THEMIS: variants seen among roughly 807,000 people sequenced by gnomAD.
The protein encoded by THEMIS is thymocyte selection associated, also known as protein THEMIS.
A neutral mutation model predicts 52.6 loss-of-function variants in THEMIS; 37 were observed. The observed-to-expected ratio is 0.70, with a 90% CI of 0.54 to 0.93. The LOEUF (loss-of-function observed/expected upper bound fraction) is 0.93, where lower values mean the gene tolerates loss of function less well. THEMIS is among the 40% of genes least tolerant of loss of function. The pLI is 0.00. For synonymous variants in THEMIS, 292 were observed against 272.7 expected (o/e 1.07, Z -0.70); for missense variants, 808 against 763.1 (o/e 1.06, Z -0.69).
At chr6:127,702,834 C>G in the THEMIS span, among the ~76,000 whole-genome samples, 1 of 151,908 alleles carries the variant, frequency 6.6e-6, no homozygotes, top group African/African-American at 2.4e-5. Flanking sequence ...GGAAACTCTA[C>G]TTTTTAAAAC....
Position 127,813,046 on chromosome 6 carries a change from A to G in THEMIS, c.1595T>C (p.Val532Ala), listed in dbSNP as rs775087506. ...ATATTGCTCTTCAGTGATCTCTTCT[A>G]CCAGAGTCCTGACTAGAAATGGTTC... Reference protein sequence around the residue: ...DAEPFLVRTLVEEITEEQYYM... With the variant: ...DAEPFLVRTLAEEITEEQYYM... Residue 532 changes from valine (V) to alanine (A), a missense_variant, in exon 4 of 6, where the codon GTA becomes GCA. Coordinates refer to ENST00000368248, the MANE Select transcript of THEMIS (RefSeq NM_001010923.3). The G allele has an allele frequency of 1.2e-6, 2 of 1,613,950 alleles. No homozygotes were observed. Among genetic ancestry groups the G allele is most frequent in the African/African-American group, 2.7e-5 (2 of 74,892 alleles).
rs564146254 is a variant in THEMIS at position 127,845,383 on chromosome 6, C to G, written c.250+9647G>C. Reference sequence around the variant, plus strand: ...AAATTAACCAAATAATTGGAGCAACCTGGGAAGCATTTATTGAAGAAAAAT... The same window carrying G: ...AAATTAACCAAATAATTGGAGCAACGTGGGAAGCATTTATTGAAGAAAAAT... On this transcript the variant is annotated intron_variant, in intron 2 of 5. Transcript: ENST00000368248. 2.8e-3 allele frequency among the ~76,000 whole-genome samples: 426 copies of G among 151,952 alleles called. 1 individual carries two copies. The highest frequency in any genetic ancestry group is 9.5e-3 in the African/African-American group (395 of 41,504).
rs968609352 is a variant in THEMIS at position 127,708,810 on chromosome 6, TA to T, written c.*1174del. ...GAAAAAACTCTAATTTTTTTTGTTC[TA>T]AAGTTGACTCACAATTTATTGTCTT... On this transcript the variant is annotated 3_prime_UTR_variant, in exon 6 of 6. Coordinates refer to ENST00000368248, the MANE Select transcript of THEMIS (RefSeq NM_001010923.3). 1.1e-4 allele frequency: 17 copies of T among 152,052 alleles called. No homozygotes were observed. The highest frequency in any genetic ancestry group is 4.1e-4 in the African/African-American group (17 of 41,432). 9.4% of individuals were successfully genotyped at this position (152,052 alleles called of 1,614,324 possible). A position where few individuals can be genotyped will look rare whatever the true frequency, so the allele number is the denominator to read the frequency against.
chr6:127,890,105 A>C lies in THEMIS; in HGVS notation c.91+10737T>G, dbSNP rs112842956. 8.9e-3 allele frequency among the ~76,000 whole-genome samples: 1,353 copies of C among 152,238 alleles called. 21 individuals are homozygous for C. The highest frequency in any genetic ancestry group is 0.031 in the African/African-American group (1,292 of 41,572). On this transcript the variant is annotated intron_variant, in intron 1 of 5. Transcript: ENST00000368248. ...TTATTTCACAGAGTGATAGCCACAA[A>C]TATTAATGATAAACCTGCTGTATGA... is the stretch of plus-strand genomic sequence containing the variant.
intron 4 of THEMIS, among the ~76,000 whole-genome samples, chr6:127,797,818 T>G (rs1284667622): frequency 6.6e-6 from 1 of 152,250 alleles, no homozygotes; most frequent in African/African-American, 2.4e-5. Context: ...AAAGAACACT[T>G]GCTCCTTGCT....
intron 1 of THEMIS, among the ~76,000 whole-genome samples, chr6:127,856,058 T>C (rs1779608725): frequency 6.6e-6 from 1 of 152,050 alleles, no homozygotes; most frequent in African/African-American, 2.4e-5. Flanking sequence ...AAATAAACAT[T>C]ATAGAGCTGT....
downstream of THEMIS, among the ~76,000 whole-genome samples, chr6:127,703,912 G>A (rs1031114006): frequency 6.6e-6 from 1 of 152,102 alleles, no homozygotes; most frequent in Non-Finnish European, 1.5e-5. Context: ...CTAAGATCAA[G>A]GTACCAGAAG....
At chr6:127,849,185 C>T (rs1779331966) in intron 2 of THEMIS, among the ~76,000 whole-genome samples, 1 of 151,854 alleles carries the variant, frequency 6.6e-6, no homozygotes, top group African/African-American at 2.4e-5. Context: ...AATAGGGAAT[C>T]CTTTCCCCAT....
At chr6:127,700,831 A>G in the THEMIS span, among the ~76,000 whole-genome samples, 1 of 151,900 alleles carries the variant, frequency 6.6e-6, no homozygotes, top group Non-Finnish European at 1.5e-5. Flanking sequence ...TCCTCCACTT[A>G]TTTTTGTATA....
chr6:127,715,872 C>G (rs1012859286), intron 5 of THEMIS, among the ~76,000 whole-genome samples: 6 of 151,836 alleles, frequency 4.0e-5, no homozygotes, highest in African/African-American at 1.5e-4. Context: ...TACAGATTAT[C>G]TGGTATACCC....
chr6:127,817,450 A>G (rs1191635890), intron 3 of THEMIS, among the ~76,000 whole-genome samples: 1 of 152,220 alleles, frequency 6.6e-6, no homozygotes, highest in Admixed American at 6.5e-5. Flanking sequence ...GGCCTGTTCA[A>G]TGCAATAAAT....
At chr6:127,703,569 T>A (rs1773757892), downstream of THEMIS, among the ~76,000 whole-genome samples, 1 of 152,142 alleles carries the variant, frequency 6.6e-6, no homozygotes, top group South Asian at 2.1e-4. Context: ...GAGGGTCACA[T>A]CAGCAAACAC....
intron 1 of THEMIS, among the ~76,000 whole-genome samples, chr6:127,872,517 G>T (rs2114389271): frequency 6.6e-6 from 1 of 152,218 alleles, no homozygotes; most frequent in African/African-American, 2.4e-5. Flanking sequence ...AGCCGAGATT[G>T]CGCCACTGCA....
At chr6:127,895,930 T>A in intron 1 of THEMIS, among the ~76,000 whole-genome samples, 1 of 151,216 alleles carries the variant, frequency 6.6e-6, no homozygotes, top group East Asian at 1.9e-4. Context: ...TATAAGCCAA[T>A]ATTATTCCCT....
chr6:127,729,366 G>T (rs1774675645), intron 4 of THEMIS, among the ~76,000 whole-genome samples: 1 of 152,092 alleles, frequency 6.6e-6, no homozygotes, highest in East Asian at 1.9e-4. Flanking sequence ...CTTTCGAGAG[G>T]TCTATGGAAG....
At chr6:127,769,469 T>G (rs1027436431) in intron 4 of THEMIS, among the ~76,000 whole-genome samples, 11 of 151,924 alleles carry the variant, frequency 7.2e-5, no homozygotes, top group African/African-American at 2.7e-4. Context: ...ATTTTACAAG[T>G]GAAGAGAGAG....
At chr6:127,845,576 T>C (rs1779185509) in intron 2 of THEMIS, among the ~76,000 whole-genome samples, 1 of 151,946 alleles carries the variant, frequency 6.6e-6, no homozygotes, top group Non-Finnish European at 1.5e-5. Context: ...GGTTGAAGTA[T>C]CTTCAAAGCT....
intron 4 of THEMIS, among the ~76,000 whole-genome samples, chr6:127,799,948 G>A (rs1335891545): frequency 6.6e-6 from 1 of 151,856 alleles, no homozygotes; most frequent in Admixed American, 6.6e-5. Flanking sequence ...TTTTATTAGG[G>A]GAAAAAAGCA....
chr6:127,696,672 G>C, the THEMIS span, among the ~76,000 whole-genome samples: 11 of 152,170 alleles, frequency 7.2e-5, no homozygotes, highest in African/African-American at 1.2e-4. Context: ...GAGTTCTGGA[G>C]GCAAGGAGTC....
Sources: allele counts gnomAD v4.1 joint callset (sites outside exome capture counted in the v4.1 genomes callset), GRCh38; gene constraint gnomAD v4.1.1; transcripts MANE v1.5; gene names NCBI Gene and HGNC (gene_info 2026-07-23, HGNC 2026-07-21).